Variants in FCER2 observed in about 807,000 individuals in gnomAD.
FCER2 encodes Fc epsilon receptor II.
FCER2 carries 38 observed loss-of-function variants against 49.7 expected under a neutral mutation model. The ratio of observed to expected loss-of-function variants is 0.76; its 90% CI spans 0.59 to 1.00. The LOEUF is 1.00. Among genes scored for constraint, FCER2 ranks in the 50% least tolerant of loss-of-function variants. The pLI, the probability that FCER2 is intolerant of heterozygous loss-of-function variation, is 0.00. For synonymous variants in FCER2, 163 were observed against 164.6 expected, an observed-to-expected ratio of 0.99 and a Z score of 0.07; for missense variants, 425 against 419.5, an observed-to-expected ratio of 1.01 and a Z score of -0.11.
intron 2 of FCER2, among the ~76,000 whole-genome samples, chr19:7,699,178 C>T (rs1218847300): frequency 6.6e-6 from 1 of 152,002 alleles, no homozygotes; most frequent in African/African-American, 2.4e-5. Flanking sequence ...CCCACCCTTA[C>T]ACCTCTGCAC....
chr19:7,696,423 A>G (rs1055664580), intron 8 of FCER2, among the ~76,000 whole-genome samples: 2 of 151,626 alleles, frequency 1.3e-5, no homozygotes, highest in African/African-American at 4.9e-5. Flanking sequence ...TTTAGTGGAG[A>G]CGGGGTTTCA....
At chr19:7,689,464 C>T (rs778583417) in intron 10 of FCER2, 34 bp from the exon 11 acceptor site, 42 of 1,408,946 alleles carry the variant, frequency 3.0e-5, no homozygotes, top group Non-Finnish European at 3.7e-5. Context: ...GGGGATGGGG[C>T]GGGGAGAAGG....
rs150291998 is a variant in FCER2 at position 7,696,247 on chromosome 19, G to T, written c.469+578C>A. ...CCCGAGTAGCTGGGACTACAGGCAC[G>T]CACCACTACACCCAGCTAATTTTTG... On this transcript the variant is annotated intron_variant, in intron 8 of 10. Coordinates refer to ENST00000597921, the MANE Select transcript of FCER2 (RefSeq NM_001220500.2). 9.3e-3 allele frequency among the ~76,000 whole-genome samples: 1,416 copies of T among 152,108 alleles called. 19 individuals carry two copies. Among genetic ancestry groups the T allele is most frequent in the African/African-American group, 0.032 (1,334 of 41,484 alleles).
intron 1 of FCER2, among the ~76,000 whole-genome samples, chr19:7,700,295 C>A (rs1427887776): frequency 1.3e-5 from 2 of 152,134 alleles, no homozygotes; most frequent in African/African-American, 4.8e-5. Context: ...GATGACAGCA[C>A]CCAACTCATG....
At chr19:7,690,041 A>T in intron 10 of FCER2, 118 bp downstream of exon 10, 1 of 705,026 alleles carries the variant, frequency 1.4e-6, no homozygotes, top group Non-Finnish European at 2.5e-6. Flanking sequence ...TCTCCCCTGC[A>T]CCCTAGAGAC....
intron 10 of FCER2, 32 bp downstream of exon 10, chr19:7,690,127 C>T: frequency 1.5e-6 from 2 of 1,363,256 alleles, no homozygotes; most frequent in Non-Finnish European, 2.1e-6. Flanking sequence ...ATTTCCATCT[C>T]CTCCCCTGGA....
intron 1 of FCER2, among the ~76,000 whole-genome samples, 156 bp downstream of exon 1, chr19:7,701,859 C>T (rs1229243322): frequency 1.3e-5 from 2 of 151,146 alleles, no homozygotes; most frequent in South Asian, 2.1e-4. Flanking sequence ...GTCCACACTG[C>T]GGCCCCCACC....
At chr19:7,691,064 A>C (rs112502902) in intron 8 of FCER2, among the ~76,000 whole-genome samples, 2 of 84,624 alleles carry the variant, frequency 2.4e-5, no homozygotes, top group African/African-American at 6.7e-5. Context: ...CACCACAGAC[A>C]CCTCACAGCT....
In FCER2 at chr19:7,696,959, G is replaced by T. The variant is rs767118350; in HGVS notation, c.380-45C>A. 3.9e-6 allele frequency: 6 copies of T among 1,558,036 alleles called. No individual in the cohort carries two copies. In the South Asian group the frequency reaches 7.1e-5, roughly 18 times the overall value. On this transcript the variant is annotated intron_variant, in intron 7 of 10. Coordinates refer to ENST00000597921, the MANE Select transcript of FCER2 (RefSeq NM_001220500.2). ...GCGGTGCTCAGAGACCAACTGGCAG[G>T]CCCCCTCCTTGTCCGTTCCCTCCCC...
intron 4 of FCER2, 80 bp downstream of exon 4, chr19:7,698,276 C>G: frequency 2.9e-6 from 3 of 1,035,600 alleles, no homozygotes; most frequent in Non-Finnish European, 4.3e-6. Flanking sequence ...CGAGGGGACA[C>G]TGAGGCCCAG....
intron 8 of FCER2, among the ~76,000 whole-genome samples, chr19:7,696,467 C>G (rs1171636591): frequency 6.6e-6 from 1 of 152,130 alleles, no homozygotes; most frequent in Non-Finnish European, 1.5e-5. Flanking sequence ...AACTCCTGAC[C>G]TCAGGTGATC....
Position 7,690,545 on chromosome 19 carries a change from T to G in FCER2, c.482A>C (p.Asn161Thr). Residue 161 changes from asparagine (N) to threonine (T), a missense_variant, in exon 9 of 11, where the codon AAC becomes ACC. Asn to Thr is a moderately conservative substitution (Grantham distance 65). Transcript: ENST00000597921. ...ATTGATCCACTTTTCAGGGCACGTG[T>G]TGCACACAAAGCCTGGGGTGGAGGA... is the stretch of plus-strand genomic sequence containing the variant. ...ELQVSSGFVC[N>T]TCPEKWINFQ... 1 of 1,613,982 alleles carries G rather than the reference T, an allele frequency of 6.2e-7. No homozygotes were observed. The highest frequency in any genetic ancestry group is 8.5e-7 in the Non-Finnish European group (1 of 1,179,924).
Position 7,690,537 on chromosome 19 carries a change from G to C in FCER2, c.490C>G (p.Pro164Ala). 1 of 1,613,376 alleles carries C rather than the reference G, an allele frequency of 6.2e-7. No individual in the cohort carries two copies. Among genetic ancestry groups the C allele is most frequent in the Middle Eastern group, 1.7e-4 (1 of 6,058 alleles). Reference protein sequence around the residue: ...VSSGFVCNTCPEKWINFQRKC... With the variant: ...VSSGFVCNTCAEKWINFQRKC... ...CGTTGGAAATTGATCCACTTTTCAG[G>C]GCACGTGTTGCACACAAAGCCTGGG... The change falls in exon 9 of 11, where the codon CCT becomes GCT. Residue 164 changes from proline (P) to alanine (A), a missense_variant. Coordinates refer to ENST00000597921, the MANE Select transcript of FCER2 (RefSeq NM_001220500.2).
At chr19:7,692,127 T>C (rs1053271883) in intron 8 of FCER2, among the ~76,000 whole-genome samples, 3 of 144,722 alleles carry the variant, frequency 2.1e-5, no homozygotes, top group Middle Eastern at 3.3e-3. Flanking sequence ...CACATTCACG[T>C]CCATCAACAC....
Position 7,699,803 on chromosome 19 carries a change from C to T in FCER2, c.-43G>A, listed in dbSNP as rs1391650493. The stretch of plus-strand genomic sequence containing the variant: ...TCTCCCGATGATGGAGCACTCACTC[C>T]CTGACAACGCAGTCCACTCAGCGGG... On this transcript the variant is annotated 5_prime_UTR_variant, in exon 2 of 11. Transcript: ENST00000597921. 8 of 1,602,006 alleles carry T rather than the reference C, an allele frequency of 5.0e-6. No homozygotes were observed. In the South Asian group the frequency reaches 5.5e-5, roughly 11 times the overall value.
chr19:7,699,631 ACC>A, intron 2 of FCER2, 106 bp downstream of exon 2: 1 of 1,299,302 alleles, frequency 7.7e-7, no homozygotes, highest in Non-Finnish European at 1.1e-6. Context: ...TTAGAAATTC[ACC>A]CTCTTTCCCA....
rs1256349385 is a variant in FCER2 at position 7,689,199 on chromosome 19, G to A, written c.960C>T (p.His320=). The change falls in exon 11 of 11, where the codon CAC becomes CAT. Residue 320 remains histidine, a synonymous_variant. Coordinates refer to ENST00000597921, the MANE Select transcript of FCER2 (RefSeq NM_001220500.2). ...GGCCTGGCTGTATCCATGCTCAAGA[G>A]TGGAGAGGGGCAGAGGGGGTGGGCA... is the stretch of plus-strand genomic sequence containing the variant. The part of the protein sequence containing the change: ...GRLPTPSAPL[H]S 3 of 1,606,932 alleles carry A rather than the reference G, an allele frequency of 1.9e-6. No homozygotes were observed. The highest frequency in any genetic ancestry group is 2.2e-5 in the South Asian group (2 of 90,878).
At chr19:7,697,455 C>T (rs888270080) in intron 5 of FCER2, 72 bp downstream of exon 5, 57 of 1,503,514 alleles carry the variant, frequency 3.8e-5, no homozygotes, top group Non-Finnish European at 4.9e-5. Flanking sequence ...AGTCTTAATG[C>T]TCTGGGTCCA....
intron 3 of FCER2, 44 bp from the exon 4 acceptor site, chr19:7,698,453 G>A: frequency 3.4e-6 from 5 of 1,469,270 alleles, no homozygotes; most frequent in African/African-American, 1.4e-5. Flanking sequence ...GGGATTGTCA[G>A]TGCCCCCACC....
Sources: gnomAD v4.1 joint callset for allele counts (sites outside exome capture counted in the v4.1 genomes callset) on GRCh38, gnomAD v4.1.1 for gene constraint, MANE v1.5 for transcripts, NCBI Gene and HGNC (gene_info 2026-07-23, HGNC 2026-07-21) for gene names.